LRRTM4: variants seen among roughly 807,000 people sequenced by gnomAD.
LRRTM4 encodes the protein leucine rich repeat transmembrane neuronal 4, also known as leucine-rich repeat transmembrane neuronal protein 4.
In LRRTM4, 25 loss-of-function variants were observed where a neutral mutation model predicts 47.6. The ratio of observed to expected loss-of-function variants is 0.53; its 90% CI spans 0.38 to 0.73. The LOEUF (loss-of-function observed/expected upper bound fraction) is 0.73. Among genes scored for constraint, LRRTM4 ranks in the 30% least tolerant of loss-of-function variants. The probability of loss-of-function intolerance (pLI) is 0.00; values close to 1 mark genes in which losing one functional copy is unlikely to be tolerated. For synonymous variants in LRRTM4, 311 were observed against 269.5 expected, an observed-to-expected ratio of 1.15 and a Z score of -1.51; for missense variants, 638 against 713.4, an observed-to-expected ratio of 0.89 and a Z score of 1.20.
chr2:76,962,735 T>C (rs1014601372), intron 3 of LRRTM4, among the ~76,000 whole-genome samples: 1 of 150,556 alleles, frequency 6.6e-6, no homozygotes, highest in South Asian at 2.1e-4. Context: ...ACAGAACATC[T>C]TAGGAATTAA....
At chr2:77,017,646 C>T (rs1320251942) in intron 3 of LRRTM4, among the ~76,000 whole-genome samples, 1 of 152,092 alleles carries the variant, frequency 6.6e-6, no homozygotes, top group Non-Finnish European at 1.5e-5. Flanking sequence ...AAACCAAATA[C>T]ACTTTGTATA....
intron 3 of LRRTM4, among the ~76,000 whole-genome samples, chr2:77,117,803 A>T (rs1342863108): frequency 6.6e-6 from 1 of 151,890 alleles, no homozygotes; most frequent in South Asian, 2.1e-4. Context: ...TCCTAAAAAC[A>T]TTTATGGGTC....
chr2:77,021,894 C>G (rs1321018363), intron 3 of LRRTM4, among the ~76,000 whole-genome samples: 1 of 152,144 alleles, frequency 6.6e-6, no homozygotes, highest in African/African-American at 2.4e-5. Flanking sequence ...ATTATGGTAT[C>G]TATCACCACT....
intron 3 of LRRTM4, among the ~76,000 whole-genome samples, chr2:77,186,270 T>C (rs1467228542): frequency 6.6e-6 from 1 of 152,174 alleles, no homozygotes; most frequent in Non-Finnish European, 1.5e-5. Context: ...TGCTGTAAGA[T>C]GTGACCTCCA....
Position 76,991,029 on chromosome 2 carries a change from A to C in LRRTM4, c.1552-242113T>G, listed in dbSNP as rs181422642. ...CCACACAGTTACATGAAATTAAACA[A>C]CTTGCTCATGAATGACTTTTGGGTA... On this transcript the variant is annotated intron_variant, in intron 3 of 3. Transcript: ENST00000409884. Among the ~76,000 whole-genome samples the C allele has an allele frequency of 4.3e-3, 651 of 151,958 alleles. 2 individuals are homozygous for C. The highest frequency in any genetic ancestry group is 0.015 in the African/African-American group (606 of 41,518).
intron 3 of LRRTM4, among the ~76,000 whole-genome samples, chr2:77,016,685 G>C (rs1401414735): frequency 6.6e-6 from 1 of 152,020 alleles, no homozygotes; most frequent in Non-Finnish European, 1.5e-5. Context: ...CCCCAGTAGA[G>C]GCCCCCACTC....
chr2:76,992,917 AAGAG>A (rs1437164794), intron 3 of LRRTM4, among the ~76,000 whole-genome samples: 1 of 151,812 alleles, frequency 6.6e-6, no homozygotes, highest in African/African-American at 2.4e-5. Flanking sequence ...TACTGGTACA[AAGAG>A]AGACACTTAA....
intron 3 of LRRTM4, among the ~76,000 whole-genome samples, chr2:76,929,590 T>C (rs1425558412): frequency 6.6e-6 from 1 of 152,162 alleles, no homozygotes. Context: ...AGTCTAAATA[T>C]CCTACTACAG....
At chr2:77,025,598 T>G (rs1678427561) in intron 3 of LRRTM4, among the ~76,000 whole-genome samples, 1 of 152,302 alleles carries the variant, frequency 6.6e-6, no homozygotes, top group East Asian at 1.9e-4. Context: ...AAGATCAATA[T>G]TCTGTTTTTC....
At chr2:76,984,386 T>C (rs1573403626) in intron 3 of LRRTM4, among the ~76,000 whole-genome samples, 1 of 152,026 alleles carries the variant, frequency 6.6e-6, no homozygotes, top group Admixed American at 6.6e-5. Context: ...TAGATGTTTA[T>C]GTCAAAGAGA....
chr2:77,490,023 G>A (rs999521251), intron 3 of LRRTM4, among the ~76,000 whole-genome samples: 6 of 152,160 alleles, frequency 3.9e-5, no homozygotes, highest in Non-Finnish European at 5.9e-5. Flanking sequence ...GCCGAAGTGG[G>A]CAGATCAGTT....
intron 3 of LRRTM4, among the ~76,000 whole-genome samples, chr2:77,006,880 T>TA (rs1677671938): frequency 6.6e-6 from 1 of 152,084 alleles, no homozygotes; most frequent in Non-Finnish European, 1.5e-5. Flanking sequence ...GGAGACTCGT[T>TA]AAGTCCAGAG....
chr2:77,346,431 C>T (rs533344324), intron 3 of LRRTM4, among the ~76,000 whole-genome samples: 4 of 152,048 alleles, frequency 2.6e-5, no homozygotes, highest in East Asian at 3.9e-4. Context: ...AAAACAATGA[C>T]GGATAGAAAT....
chr2:77,226,288 G>C (rs1342013430), intron 3 of LRRTM4, among the ~76,000 whole-genome samples: 1 of 151,678 alleles, frequency 6.6e-6, no homozygotes, highest in African/African-American at 2.4e-5. Context: ...GGTAAGATGA[G>C]CACAGGTACG....
At chr2:76,814,715 C>T (rs1305396798) in intron 3 of LRRTM4, among the ~76,000 whole-genome samples, 2 of 151,718 alleles carry the variant, frequency 1.3e-5, no homozygotes, top group African/African-American at 4.8e-5. Context: ...TTGGTATCCT[C>T]AGGAGTCTTG....
At chr2:77,199,490 A>G (rs545730233) in intron 3 of LRRTM4, among the ~76,000 whole-genome samples, 19 of 151,832 alleles carry the variant, frequency 1.3e-4, no homozygotes, top group Non-Finnish European at 2.6e-4. Context: ...TGGATTTGTC[A>G]TTTTTCTCTG....
intron 3 of LRRTM4, among the ~76,000 whole-genome samples, chr2:77,079,555 T>A (rs56120121): frequency 7.2e-5 from 11 of 151,948 alleles, no homozygotes; most frequent in Non-Finnish European, 1.3e-4. Flanking sequence ...CTATTGCTAG[T>A]GTTAGTGTAT....
At position 76,910,922 on chromosome 2, in the gene LRRTM4, TA is replaced by T. The variant is rs775782344; in HGVS notation, c.1552-162007del. On this transcript the variant is annotated intron_variant, in intron 3 of 3. Coordinates refer to ENST00000409884, the MANE Select transcript of LRRTM4 (RefSeq NM_001134745.3). Reference sequence around the variant, plus strand: ...GCAGTAGAAAAGATGCTGATGTGCTTAATGGTACTGAGAAATACATTCATTT... The same window carrying T: ...GCAGTAGAAAAGATGCTGATGTGCTTATGGTACTGAGAAATACATTCATTT... Among the ~76,000 whole-genome samples, 8 of 152,312 alleles carry T rather than the reference TA, an allele frequency of 5.3e-5. No individual in the cohort carries two copies. The East Asian group carries it at 1.5e-3, about 29-fold the overall frequency.
At chr2:77,011,953 C>T (rs555378699) in intron 3 of LRRTM4, among the ~76,000 whole-genome samples, 56 of 151,996 alleles carry the variant, frequency 3.7e-4, no homozygotes, top group African/African-American at 1.3e-3. Flanking sequence ...AAGATACCAC[C>T]CCACATTTAC....
Sources: allele counts gnomAD v4.1 joint callset (sites outside exome capture counted in the v4.1 genomes callset), GRCh38; gene constraint gnomAD v4.1.1; transcripts MANE v1.5; gene names NCBI Gene and HGNC (gene_info 2026-07-23, HGNC 2026-07-21).